WDHD1: variants seen among roughly 807,000 people sequenced by gnomAD.
WDHD1 encodes WD repeat and HMG-box DNA binding protein 1, also known as WD repeat and HMG-box DNA-binding protein 1.
WDHD1 carries 111 observed loss-of-function variants against 135.4 expected under a neutral mutation model. That is an observed-to-expected ratio of 0.82 (90% CI 0.70 to 0.96). WDHD1 has a LOEUF of 0.96. Among genes scored for constraint, WDHD1 ranks in the 40% least tolerant of loss-of-function variants. The pLI, the probability that WDHD1 is intolerant of heterozygous loss-of-function variation, is 0.00. For synonymous variants in WDHD1, 434 were observed against 439.0 expected (o/e 0.99, Z 0.14); for missense variants, 1,351 against 1,336.3 (o/e 1.01, Z -0.17).
chr14:55,006,990 G>A (rs2042080960), intron 7 of WDHD1, among the ~76,000 whole-genome samples: 1 of 152,052 alleles, frequency 6.6e-6, no homozygotes, highest in Non-Finnish European at 1.5e-5. Flanking sequence ...ATTTTGTGAG[G>A]CTGAGGTGCG....
At chr14:54,945,211 C>CAT (rs2040903198) in intron 24 of WDHD1, among the ~76,000 whole-genome samples, 2 of 152,182 alleles carry the variant, frequency 1.3e-5, no homozygotes, top group African/African-American at 4.8e-5. Context: ...AGCTGACCTG[C>CAT]ATCAGCATTA....
At chr14:54,962,394 A>AC (rs1419538196) in intron 21 of WDHD1, 104 bp downstream of exon 21, 1 of 845,910 alleles carries the variant, frequency 1.2e-6, no homozygotes, top group Non-Finnish European at 2.0e-6. Context: ...ACACACACAC[A>AC]CCAAAAGTGG....
Position 54,981,626 on chromosome 14 carries a change from A to G in WDHD1, c.1977T>C (p.Thr659=). 1.9e-6 allele frequency: 3 copies of G among 1,612,154 alleles called. No homozygotes were observed. Among genetic ancestry groups the G allele is most frequent in the Non-Finnish European group, 2.5e-6 (3 of 1,178,338 alleles). Reference sequence around the variant, plus strand: ...AGTGCTCTCTTGTATTACATATAGGAGTCCACGTATTACCAAGTCCTCTGT... The same window carrying G: ...AGTGCTCTCTTGTATTACATATAGGGGTCCACGTATTACCAAGTCCTCTGT... The part of the protein sequence containing the change: ...MLNRGLGNTW[T]PICNTREHCK... The change falls in exon 16 of 26, where the codon ACT becomes ACC. Residue 659 remains threonine, a synonymous_variant. Transcript: ENST00000360586.
intron 7 of WDHD1, among the ~76,000 whole-genome samples, chr14:55,006,101 C>T (rs528249493): frequency 5.9e-5 from 9 of 152,040 alleles, no homozygotes; most frequent in East Asian, 1.9e-4. Flanking sequence ...TGAGCTCAAG[C>T]GGTCCTCCTG....
intron 14 of WDHD1, 99 bp from the exon 15 acceptor site, chr14:54,984,959 A>G: frequency 6.8e-7 from 1 of 1,461,706 alleles, no homozygotes; most frequent in Non-Finnish European, 9.3e-7. Context: ...GTAAATTACT[A>G]GACTGACTAG....
chr14:55,013,959 A>C (rs1307803228), intron 2 of WDHD1, among the ~76,000 whole-genome samples: 1 of 152,166 alleles, frequency 6.6e-6, no homozygotes, highest in Non-Finnish European at 1.5e-5. Context: ...TTGGAATGCT[A>C]CTTCTATATT....
At chr14:55,010,203 AAAC>A (rs2042144974) in intron 4 of WDHD1, 103 bp downstream of exon 4, 1 of 1,225,692 alleles carries the variant, frequency 8.2e-7, no homozygotes, top group African/African-American at 1.6e-5. Flanking sequence ...AAGAAACAAC[AAAC>A]AACAAAAAAT....
chr14:55,020,914 T>C lies in WDHD1; in HGVS notation c.77+5797A>G, dbSNP rs538621196. Among the ~76,000 whole-genome samples the C allele has an allele frequency of 3.3e-5, 5 of 151,946 alleles. No individual in the cohort carries two copies. In the East Asian group the frequency reaches 9.6e-4, roughly 29 times the overall value. On this transcript the variant is annotated intron_variant, in intron 2 of 25. Transcript: ENST00000360586. ...GGAAAATCATAAAGAGGAGAAAAAA[T>C]ATTTACTATTTATTAAGTGGAAGTA...
intron 11 of WDHD1, among the ~76,000 whole-genome samples, chr14:54,993,963 G>A (rs2041837441): frequency 6.6e-6 from 1 of 152,178 alleles, no homozygotes; most frequent in Non-Finnish European, 1.5e-5. Flanking sequence ...GAGGACTGCT[G>A]TTCTATAAAC....
intron 10 of WDHD1, 34 bp from the exon 11 acceptor site, chr14:54,995,847 GTGAA>G: frequency 1.4e-6 from 2 of 1,460,608 alleles, no homozygotes; most frequent in Non-Finnish European, 1.8e-6. Flanking sequence ...TAAAGTAAAA[GTGAA>G]TGATTTAGAA....
Position 54,957,612 on chromosome 14 carries a change from C to T in WDHD1, c.2725G>A (p.Gly909Arg), listed in dbSNP as rs371209985. ...TTTACCTTAAAGGGATTTACTCGTC[C>T]TTGGCTGCTAAAGGTAACTGCACCT... ...KSGAVTFSSQ[G>R]RVNPFKVSAS... Residue 909 changes from glycine to arginine, a missense_variant, in exon 22 of 26, where the codon GGA becomes AGA. Physicochemically the swap from Gly to Arg is moderately radical, Grantham distance 125. Coordinates refer to ENST00000360586, the MANE Select transcript of WDHD1 (RefSeq NM_007086.4). The T allele has an allele frequency of 1.9e-6, 3 of 1,606,998 alleles. No homozygotes were observed. The highest frequency in any genetic ancestry group is 2.5e-6 in the Non-Finnish European group (3 of 1,178,332).
At chr14:54,951,130 C>T (rs1443886345) in intron 24 of WDHD1, among the ~76,000 whole-genome samples, 1 of 151,770 alleles carries the variant, frequency 6.6e-6, no homozygotes, top group African/African-American at 2.4e-5. Context: ...TAGCAGAAGG[C>T]AAGAAATAAC....
intron 16 of WDHD1, among the ~76,000 whole-genome samples, chr14:54,979,539 T>G (rs1320516900): frequency 6.6e-6 from 1 of 152,180 alleles, no homozygotes; most frequent in Non-Finnish European, 1.5e-5. Flanking sequence ...ATCTGGAATT[T>G]AACATTTTAT....
intron 16 of WDHD1, among the ~76,000 whole-genome samples, chr14:54,979,598 T>G (rs1046085446): frequency 2.0e-5 from 3 of 152,256 alleles, no homozygotes; most frequent in African/African-American, 7.2e-5. Context: ...AATTAAGAAG[T>G]CTTCTTGAAC....
chr14:55,004,512 T>A (rs1168597926), intron 7 of WDHD1, among the ~76,000 whole-genome samples: 1 of 152,144 alleles, frequency 6.6e-6, no homozygotes, highest in East Asian at 1.9e-4. Flanking sequence ...GAGTGCAGTA[T>A]TGTGATCTTG....
intron 16 of WDHD1, among the ~76,000 whole-genome samples, chr14:54,969,861 A>G (rs2041403471): frequency 6.6e-6 from 1 of 152,094 alleles, no homozygotes; most frequent in African/African-American, 2.4e-5. Flanking sequence ...CACAACCAGT[A>G]GGTTTTACTC....
At chr14:55,010,015 T>C (rs999950212) in intron 4 of WDHD1, among the ~76,000 whole-genome samples, 4 of 147,458 alleles carry the variant, frequency 2.7e-5, no homozygotes, top group African/African-American at 1.0e-4. Flanking sequence ...GACGGGGTTT[T>C]GCCATGTTGG....
intron 10 of WDHD1, among the ~76,000 whole-genome samples, 155 bp downstream of exon 10, chr14:55,000,347 AG>A (rs1423776579): frequency 6.6e-6 from 1 of 152,270 alleles, no homozygotes; most frequent in Non-Finnish European, 1.5e-5. Context: ...AGGTTGAACA[AG>A]TAAGAAGTTT....
chr14:55,001,952 T>C, intron 8 of WDHD1, 141 bp downstream of exon 8: 1 of 628,936 alleles, frequency 1.6e-6, no homozygotes, highest in Non-Finnish European at 2.8e-6. Context: ...GAAGAAAGGA[T>C]GAGCTGTTAG....
Sources: allele counts gnomAD v4.1 joint callset (sites outside exome capture counted in the v4.1 genomes callset), GRCh38; gene constraint gnomAD v4.1.1; transcripts MANE v1.5; gene names NCBI Gene and HGNC (gene_info 2026-07-23, HGNC 2026-07-21).